SLC13A3: variants seen among roughly 807,000 people sequenced by gnomAD.
The protein encoded by SLC13A3 is solute carrier family 13 member 3.
In SLC13A3, 40 loss-of-function variants were observed where a neutral mutation model predicts 59.0. The observed-to-expected ratio is 0.68, with a 90% CI of 0.53 to 0.88. The LOEUF (loss-of-function observed/expected upper bound fraction) is 0.88, where lower values mean the gene tolerates loss of function less well. Among genes scored for constraint, SLC13A3 ranks in the 40% least tolerant of loss-of-function variants. The probability of loss-of-function intolerance (pLI) is 0.00; values close to 1 mark genes in which losing one functional copy is unlikely to be tolerated. For missense variants in SLC13A3, 699 were observed against 783.2 expected (o/e 0.89, Z 1.28); for synonymous variants, 317 against 330.3 (o/e 0.96, Z 0.44).
intron 1 of SLC13A3, among the ~76,000 whole-genome samples, chr20:46,650,870 G>A (rs2062945279): frequency 6.6e-6 from 1 of 152,084 alleles, no homozygotes; most frequent in African/African-American, 2.4e-5. Context: ...TTCCAGACCA[G>A]CCTGGACAAC....
At chr20:46,652,154 G>A (rs1261758841), upstream of SLC13A3, among the ~76,000 whole-genome samples, 1 of 152,142 alleles carries the variant, frequency 6.6e-6, no homozygotes, top group African/African-American at 2.4e-5. Context: ...CTTAATACCT[G>A]GATGACGAAA....
intron 3 of SLC13A3, among the ~76,000 whole-genome samples, chr20:46,603,035 A>T: frequency 6.6e-6 from 1 of 151,848 alleles, no homozygotes. Flanking sequence ...AAAATTAGCC[A>T]GGCATGGTGG....
chr20:46,594,511 C>A (rs847095), intron 5 of SLC13A3, among the ~76,000 whole-genome samples: 110,965 of 151,750 alleles, frequency 0.73, 41,797 homozygotes, highest in African/African-American at 0.92. Context: ...GGCAAACCCT[C>A]ATACCAAATG....
In SLC13A3 at chr20:46,659,723, C is replaced by CA. The variant is rs1555884129; in HGVS notation, c.-31+10319dup. The stretch of plus-strand genomic sequence containing the variant: ...AGAGTGAGACCCTATCCCCCCCCCC[C>CA]AAAAAAAAAAAGAAAAAACAAAGAA... On this transcript the variant is annotated intron_variant, in intron 1 of 12. Transcript: ENST00000290317. Among the ~76,000 whole-genome samples, 348 of 120,952 alleles carry CA rather than the reference C, an allele frequency of 2.9e-3. 2 individuals carry two copies. Among genetic ancestry groups the CA allele is most frequent in the African/African-American group, 7.4e-3 (238 of 32,240 alleles). The allele number at this position is 120,952 out of a possible 152,430, so 79.3% of individuals were successfully genotyped here.
rs114593972 is a variant in SLC13A3 at position 46,563,859 on chromosome 20, C to G, written c.1495-308G>C. On this transcript the variant is annotated intron_variant, in intron 11 of 12. Coordinates refer to ENST00000279027, the MANE Select transcript of SLC13A3 (RefSeq NM_022829.6). ...GAGAGAACATTCCCAGGGTTAGTGACATTCAAGGGCCACACTGTGGTTTGA... is the reference window on the plus strand; with the variant it reads ...GAGAGAACATTCCCAGGGTTAGTGAGATTCAAGGGCCACACTGTGGTTTGA... 6.7e-3 allele frequency among the ~76,000 whole-genome samples: 1,016 copies of G among 152,244 alleles called. 12 individuals are homozygous for G. The highest frequency in any genetic ancestry group is 0.023 in the African/African-American group (961 of 41,544).
rs1217189392 is a variant in SLC13A3 at position 46,604,783 on chromosome 20, C to T, written c.542-4746G>A. Among the ~76,000 whole-genome samples, 4 of 152,318 alleles carry T rather than the reference C, an allele frequency of 2.6e-5. 1 individual carries two copies. The highest frequency in any genetic ancestry group is 2.0e-4 in the Admixed American group (3 of 15,304). ...TGGGAACAGGTCCACAAGCCATGCA[C>T]GAGGCCAGGGTCCAGGGCACTGAAG... On this transcript the variant is annotated intron_variant, in intron 3 of 12. Transcript: ENST00000279027.
chr20:46,597,362 G>A (rs1405604313), intron 4 of SLC13A3, among the ~76,000 whole-genome samples: 1 of 151,958 alleles, frequency 6.6e-6, no homozygotes, highest in Non-Finnish European at 1.5e-5. Context: ...CTGAAATGAA[G>A]AAAAAAATGT....
chr20:46,572,588 C>T (rs1460136349), intron 10 of SLC13A3, among the ~76,000 whole-genome samples: 1 of 152,182 alleles, frequency 6.6e-6, no homozygotes, highest in Non-Finnish European at 1.5e-5. Context: ...GTAAATGGCA[C>T]CATTTCCACC....
intron 1 of SLC13A3, among the ~76,000 whole-genome samples, chr20:46,663,700 T>G (rs1305609991): frequency 1.3e-5 from 2 of 152,134 alleles, no homozygotes; most frequent in Non-Finnish European, 2.9e-5. Context: ...ATATTCCCAT[T>G]TTGCAGAGGA....
At chr20:46,609,161 A>G in intron 3 of SLC13A3, 1 of 1,430,710 alleles carries the variant, frequency 7.0e-7, no homozygotes, top group Non-Finnish European at 9.2e-7. Context: ...ATGTAAATTA[A>G]AAGTAAGACA....
intron 2 of SLC13A3, 89 bp downstream of exon 2, chr20:46,613,371 C>T (rs577616321): frequency 5.2e-5 from 61 of 1,181,298 alleles, no homozygotes; most frequent in South Asian, 2.7e-4. Context: ...TTGGCCTGGA[C>T]GAGTAAATCA....
intron 1 of SLC13A3, among the ~76,000 whole-genome samples, chr20:46,634,484 C>T (rs1363648685): frequency 6.6e-6 from 1 of 152,158 alleles, no homozygotes; most frequent in Non-Finnish European, 1.5e-5. Flanking sequence ...ATGGGGGAAA[C>T]AGAAAGGGCA....
At chr20:46,631,631 C>T (rs192630946) in intron 1 of SLC13A3, among the ~76,000 whole-genome samples, 11 of 152,266 alleles carry the variant, frequency 7.2e-5, no homozygotes, top group Admixed American at 6.5e-4. Flanking sequence ...GCCCCGCTCA[C>T]ACCCACCCAA....
At position 46,613,440 on chromosome 20, in the gene SLC13A3, GAAC is replaced by G; in HGVS notation, c.377+17_377+19del. On this transcript the variant is annotated intron_variant, in intron 2 of 12. Coordinates refer to ENST00000279027, the MANE Select transcript of SLC13A3 (RefSeq NM_022829.6). The stretch of plus-strand genomic sequence containing the variant: ...CCTCTGCCTCTCCGCTGTAGGGCTG[GAAC>G]CATTACCTGTTCTTACCTGGCCGGC... 1 of 1,557,906 alleles carries G rather than the reference GAAC, an allele frequency of 6.4e-7. No individual in the cohort carries two copies. The highest frequency in any genetic ancestry group is 8.7e-7 in the Non-Finnish European group (1 of 1,148,224).
intron 9 of SLC13A3, among the ~76,000 whole-genome samples, chr20:46,577,977 GGCTA>G (rs1161962998): frequency 1.2e-5 from 1 of 80,524 alleles, no homozygotes; most frequent in Non-Finnish European, 3.1e-5. Context: ...GCAAGTCCCT[GGCTA>G]TTTATTTATT....
At chr20:46,571,413 C>T (rs1306560581) in intron 10 of SLC13A3, among the ~76,000 whole-genome samples, 2 of 152,146 alleles carry the variant, frequency 1.3e-5, no homozygotes, top group African/African-American at 2.4e-5. Flanking sequence ...TGAATTAATG[C>T]AATAATAACA....
At chr20:46,578,896 G>A (rs976231483) in intron 9 of SLC13A3, among the ~76,000 whole-genome samples, 14 of 147,896 alleles carry the variant, frequency 9.5e-5, no homozygotes, top group African/African-American at 2.2e-4. Flanking sequence ...AAGAGAAGTC[G>A]TCGTCGTCGT....
At chr20:46,681,194 G>A (rs1360637284) in intron 1 of SLC13A3, among the ~76,000 whole-genome samples, 1 of 152,236 alleles carries the variant, frequency 6.6e-6, no homozygotes, top group East Asian at 1.9e-4. Flanking sequence ...CAGTGAAGGA[G>A]TGAGTGAAGA....
At chr20:46,620,510 A>G (rs1263411011) in intron 1 of SLC13A3, among the ~76,000 whole-genome samples, 1 of 152,196 alleles carries the variant, frequency 6.6e-6, no homozygotes, top group East Asian at 1.9e-4. Context: ...TTGATGATGA[A>G]GTTTGGATGG....
Sources: allele counts gnomAD v4.1 joint callset (sites outside exome capture counted in the v4.1 genomes callset), GRCh38; gene constraint gnomAD v4.1.1; transcripts MANE v1.5; gene names NCBI Gene and HGNC (gene_info 2026-07-23, HGNC 2026-07-21).